The following SHISA9 variants were observed in gnomAD, a reference collection of about 807,000 sequenced individuals.
SHISA9 encodes the protein shisa family member 9, also known as protein shisa-9.
A neutral mutation model predicts 38.0 loss-of-function variants in SHISA9; 13 were observed. The ratio of observed to expected loss-of-function variants is 0.34; its 90% CI spans 0.22 to 0.54. The LOEUF is 0.54. Among genes scored for constraint, SHISA9 ranks in the 20% least tolerant of loss-of-function variants. The probability of loss-of-function intolerance (pLI) is 0.91; values close to 1 mark genes in which losing one functional copy is unlikely to be tolerated. For missense variants in SHISA9, 538 were observed against 575.8 expected (o/e 0.93, Z 0.67); for synonymous variants, 275 against 242.0 (o/e 1.14, Z -1.27).
chr16:13,457,454 A>G, the SHISA9 span, among the ~76,000 whole-genome samples: 27 of 152,228 alleles, frequency 1.8e-4, no homozygotes, highest in African/African-American at 6.3e-4. Context: ...CTGTACAGTC[A>G]TCAGACTCTC....
At chr16:13,415,502 TG>T in the SHISA9 span, among the ~76,000 whole-genome samples, 1 of 152,180 alleles carries the variant, frequency 6.6e-6, no homozygotes, top group African/African-American at 2.4e-5. Flanking sequence ...ACTTAATACC[TG>T]GGTGATGAAA....
the SHISA9 span, among the ~76,000 whole-genome samples, chr16:13,525,239 C>A: frequency 6.6e-6 from 1 of 152,016 alleles, no homozygotes; most frequent in Non-Finnish European, 1.5e-5. Flanking sequence ...TTTGTTATGT[C>A]GTCAGAGCTA....
chr16:13,019,334 A>C lies in SHISA9; in HGVS notation c.691+102519A>C, dbSNP rs563463155. 4.7e-3 allele frequency among the ~76,000 whole-genome samples: 722 copies of C among 152,244 alleles called. 10 individuals are homozygous for C. Among genetic ancestry groups the C allele is most frequent in the African/African-American group, 0.016 (677 of 41,558 alleles). ...TTTTCTTACAGTTCTGGAGGCTAGA[A>C]GTCCAAGATCAAGGTTCCGGCAGAT... On this transcript the variant is annotated intron_variant, in intron 2 of 4. Transcript: ENST00000558583.
At chr16:13,146,556 G>C (rs547457748) in intron 2 of SHISA9, among the ~76,000 whole-genome samples, 1 of 152,226 alleles carries the variant, frequency 6.6e-6, no homozygotes, top group South Asian at 2.1e-4. Flanking sequence ...ATTTGAAAAT[G>C]TATGATCAAT....
the SHISA9 span, among the ~76,000 whole-genome samples, chr16:13,469,782 A>G: frequency 1.3e-5 from 2 of 152,012 alleles, no homozygotes; most frequent in Non-Finnish European, 2.9e-5. Flanking sequence ...ATAACTTCAG[A>G]AATCTATATA....
chr16:13,198,009 G>C (rs186546305), intron 2 of SHISA9, among the ~76,000 whole-genome samples: 1 of 152,074 alleles, frequency 6.6e-6, no homozygotes, highest in African/African-American at 2.4e-5. Flanking sequence ...ACATGGAGAA[G>C]CCCCTTCTCT....
intron 2 of SHISA9, among the ~76,000 whole-genome samples, chr16:12,935,329 A>AT (rs1416294344): frequency 1.1e-4 from 17 of 152,174 alleles, no homozygotes; most frequent in African/African-American, 4.1e-4. Context: ...TGTCCAAGTC[A>AT]TTTCCATCCC....
At chr16:13,558,780 A>G in the SHISA9 span, among the ~76,000 whole-genome samples, 33,350 of 152,168 alleles carry the variant, frequency 0.22, 4,231 homozygotes, top group Middle Eastern at 0.28. Flanking sequence ...AGACTACAAA[A>G]AAAGATATTT....
chr16:13,345,753 C>G, the SHISA9 span, among the ~76,000 whole-genome samples: 1 of 152,162 alleles, frequency 6.6e-6, no homozygotes, highest in Non-Finnish European at 1.5e-5. Flanking sequence ...CACGACCTCA[C>G]CAGCATCTGT....
chr16:13,138,627 G>T (rs932696863), intron 2 of SHISA9, among the ~76,000 whole-genome samples: 6 of 152,176 alleles, frequency 3.9e-5, no homozygotes, highest in African/African-American at 1.4e-4. Flanking sequence ...CTTGAAGAAA[G>T]ATTTTCCTTA....
At chr16:13,440,694 C>T in the SHISA9 span, among the ~76,000 whole-genome samples, 1 of 152,124 alleles carries the variant, frequency 6.6e-6, no homozygotes, top group Non-Finnish European at 1.5e-5. Context: ...TTTGGGAGGC[C>T]GAGGCGGGCG....
At chr16:13,054,907 C>G (rs1052753476) in intron 2 of SHISA9, among the ~76,000 whole-genome samples, 2 of 152,220 alleles carry the variant, frequency 1.3e-5, no homozygotes, top group African/African-American at 4.8e-5. Flanking sequence ...ACTCTTCTTT[C>G]TAGTCTAACC....
chr16:13,158,892 T>TA (rs11373395), intron 2 of SHISA9, among the ~76,000 whole-genome samples: 111,042 of 133,808 alleles, frequency 0.83, 45,938 homozygotes, highest in Admixed American at 0.86. Context: ...CCATCTCTAC[T>TA]AAAAAAAAAA....
At chr16:13,189,911 G>C (rs968010541) in intron 2 of SHISA9, among the ~76,000 whole-genome samples, 2 of 152,230 alleles carry the variant, frequency 1.3e-5, no homozygotes, top group South Asian at 4.2e-4. Context: ...AAGACTACAC[G>C]ATAGAAGGAA....
chr16:13,366,136 T>G, the SHISA9 span, among the ~76,000 whole-genome samples: 2 of 152,222 alleles, frequency 1.3e-5, no homozygotes, highest in Non-Finnish European at 2.9e-5. Context: ...TGTAAAATGA[T>G]GGCAAAACTG....
At chr16:13,304,518 A>G in the SHISA9 span, among the ~76,000 whole-genome samples, 2 of 152,130 alleles carry the variant, frequency 1.3e-5, no homozygotes, top group East Asian at 1.9e-4. Context: ...CTGGCCTCCT[A>G]AAGTGTTGAG....
At chr16:13,063,648 T>A in intron 2 of SHISA9, among the ~76,000 whole-genome samples, 1 of 152,134 alleles carries the variant, frequency 6.6e-6, no homozygotes, top group Non-Finnish European at 1.5e-5. Context: ...CGCAATGGCA[T>A]TGACAGCTCA....
In SHISA9 at chr16:12,909,395, T is replaced by G. The variant is rs1296611825; in HGVS notation, c.563+6768T>G. 10 of 985,460 alleles carry G rather than the reference T, an allele frequency of 1.0e-5. No individual in the cohort carries two copies. In the South Asian group the frequency reaches 4.7e-4, roughly 46 times the overall value. The allele number at this position is 985,460 out of a possible 1,614,324, so 61.0% of individuals were successfully genotyped here. ...TGTGCAAGAAGAAGTGCTCAGGAAC[T>G]CTATTCAAGTGTTTAAAAGTCAACA... is the stretch of plus-strand genomic sequence containing the variant. On this transcript the variant is annotated intron_variant, in intron 1 of 4. Coordinates refer to ENST00000558583, the MANE Select transcript of SHISA9 (RefSeq NM_001145204.3).
chr16:12,998,444 G>T (rs1309826105), intron 2 of SHISA9, among the ~76,000 whole-genome samples: 1 of 152,190 alleles, frequency 6.6e-6, no homozygotes, highest in Non-Finnish European at 1.5e-5. Context: ...TTGGGGTAAA[G>T]GTTCACAGAC....
Sources: gnomAD v4.1 joint callset for allele counts (sites outside exome capture counted in the v4.1 genomes callset) on GRCh38, gnomAD v4.1.1 for gene constraint, MANE v1.5 for transcripts, NCBI Gene and HGNC (gene_info 2026-07-23, HGNC 2026-07-21) for gene names.